Variants in ADAM12 observed in about 807,000 individuals in gnomAD.
ADAM12 encodes the protein ADAM metallopeptidase domain 12, also known as disintegrin and metalloproteinase domain-containing protein 12.
In ADAM12, 70 loss-of-function variants were observed where a neutral mutation model predicts 106.4. The ratio of observed to expected loss-of-function variants is 0.66; its 90% CI spans 0.54 to 0.80. The LOEUF (loss-of-function observed/expected upper bound fraction) is 0.80, where lower values mean the gene tolerates loss of function less well. Ranked by LOEUF, ADAM12 falls within the 30% of genes least tolerant of loss-of-function variation. The pLI is 0.00. For synonymous variants in ADAM12, 420 were observed against 433.5 expected, an observed-to-expected ratio of 0.97 and a Z score of 0.39; for missense variants, 1,010 against 1,171.9, an observed-to-expected ratio of 0.86 and a Z score of 2.02.
chr10:126,259,706 CAT>C (rs1417584644), intron 3 of ADAM12, among the ~76,000 whole-genome samples: 1 of 152,232 alleles, frequency 6.6e-6, no homozygotes, highest in Non-Finnish European at 1.5e-5. Flanking sequence ...CTTCTCCACA[CAT>C]GAGGGAATAA....
At position 126,049,983 on chromosome 10, in the gene ADAM12, AG is replaced by A. The variant is rs1365966317; in HGVS notation, c.1610-315del. Among the ~76,000 whole-genome samples, 1 of 144,210 alleles carries A rather than the reference AG, an allele frequency of 6.9e-6. No homozygotes were observed. Among genetic ancestry groups the A allele is most frequent in the Non-Finnish European group, 1.6e-5 (1 of 63,810 alleles). The allele number at this position is 144,210 out of a possible 152,430, so 94.6% of individuals were successfully genotyped here. On this transcript the variant is annotated intron_variant, in intron 14 of 22. Coordinates refer to ENST00000448723, the MANE Select transcript of ADAM12 (RefSeq NM_001288973.2). The surrounding 1 kb of genome is among the most constrained non-coding windows in gnomAD (Gnocchi z 4.4). Reference sequence around the variant, plus strand: ...GAATGAGATCTGATCCAGGGCAGAAAGGAGGTGGCTGGCTGGCTGGCTGGCT... The same window carrying A: ...GAATGAGATCTGATCCAGGGCAGAAAGAGGTGGCTGGCTGGCTGGCTGGCT...
chr10:126,236,573 G>A (rs1369283426), intron 3 of ADAM12, among the ~76,000 whole-genome samples: 2 of 152,134 alleles, frequency 1.3e-5, no homozygotes, highest in African/African-American at 2.4e-5. Flanking sequence ...TGCGGGGGGA[G>A]CTGAATGAGC....
At chr10:126,178,798 G>A (rs1293753701) in intron 3 of ADAM12, among the ~76,000 whole-genome samples, 1 of 152,120 alleles carries the variant, frequency 6.6e-6, no homozygotes, top group Non-Finnish European at 1.5e-5. Context: ...TGTAATCCCA[G>A]CACTTTAGGA....
At position 126,066,985 on chromosome 10, in the gene ADAM12, C is replaced by A. The variant is rs1422643236; in HGVS notation, c.1324-179G>T. 2 of 598,504 alleles carry A rather than the reference C, an allele frequency of 3.3e-6. No individual in the cohort carries two copies. Among genetic ancestry groups the A allele is most frequent in the Non-Finnish European group, 6.0e-6 (2 of 333,766 alleles). 37.1% of individuals were successfully genotyped at this position (598,504 alleles called of 1,614,324 possible). ...AGCAAAGCTTCTGCTTTTTATGAACCAACTGGGTCTACGAGTCCCTGGAAA... is the reference window on the plus strand; with the variant it reads ...AGCAAAGCTTCTGCTTTTTATGAACAAACTGGGTCTACGAGTCCCTGGAAA... On this transcript the variant is annotated intron_variant, in intron 12 of 22. Coordinates refer to ENST00000448723, the MANE Select transcript of ADAM12 (RefSeq NM_001288973.2). This position sits in a 1 kb window ranked among gnomAD's most constrained non-coding sequence, Gnocchi z 5.1.
intron 5 of ADAM12, among the ~76,000 whole-genome samples, chr10:126,131,104 CTTTTTTTTT>C (rs71029289): frequency 1.8e-4 from 18 of 100,918 alleles, no homozygotes; most frequent in Admixed American, 3.2e-4. Context: ...CAGCTGTCTT[CTTTTTTTTT>C]TTTTTTTTTT....
At chr10:126,211,713 G>A (rs1054429633) in intron 3 of ADAM12, among the ~76,000 whole-genome samples, 3 of 152,120 alleles carry the variant, frequency 2.0e-5, no homozygotes, top group African/African-American at 7.2e-5. Context: ...TCTGCCTCCT[G>A]GACCATGTGA....
chr10:126,259,397 T>C (rs1009540140), intron 3 of ADAM12, among the ~76,000 whole-genome samples: 1 of 152,248 alleles, frequency 6.6e-6, no homozygotes, highest in African/African-American at 2.4e-5. Flanking sequence ...ATATGAGCTA[T>C]AGCCCTTGTG....
chr10:126,373,344 G>A (rs1382721337), intron 1 of ADAM12, among the ~76,000 whole-genome samples: 2 of 152,172 alleles, frequency 1.3e-5, no homozygotes, highest in African/African-American at 4.8e-5. Flanking sequence ...GGGAACAGCT[G>A]ATGGCTTCAC....
chr10:126,143,750 GGTGT>G (rs765920575), intron 4 of ADAM12, among the ~76,000 whole-genome samples: 25 of 151,856 alleles, frequency 1.6e-4, no homozygotes, highest in Non-Finnish European at 2.2e-4. Flanking sequence ...TGTGTATATG[GGTGT>G]GTATGTGTCT....
chr10:126,237,054 G>A (rs571862670), intron 3 of ADAM12, among the ~76,000 whole-genome samples: 15 of 152,106 alleles, frequency 9.9e-5, no homozygotes, highest in African/African-American at 2.9e-4. Context: ...GGCCAGCCTC[G>A]CCCACAACCC....
intron 18 of ADAM12, among the ~76,000 whole-genome samples, chr10:126,040,314 T>C (rs1389316123): frequency 6.6e-6 from 1 of 152,182 alleles, no homozygotes; most frequent in Admixed American, 6.5e-5. Flanking sequence ...TCAGCAAGGA[T>C]CAGGGTGTAC....
At chr10:126,115,110 T>G (rs1172932294) in intron 6 of ADAM12, among the ~76,000 whole-genome samples, 1 of 152,206 alleles carries the variant, frequency 6.6e-6, no homozygotes, top group South Asian at 2.1e-4. Context: ...CTGTCCTATA[T>G]GTACACAGTA....
At chr10:126,346,415 A>C (rs183062777) in intron 1 of ADAM12, among the ~76,000 whole-genome samples, 11 of 152,138 alleles carry the variant, frequency 7.2e-5, no homozygotes, top group Non-Finnish European at 1.3e-4. Flanking sequence ...GTTCTTTTAC[A>C]TTTGCTGAGG....
chr10:126,365,062 G>C (rs1855863954), intron 1 of ADAM12, among the ~76,000 whole-genome samples: 2 of 152,090 alleles, frequency 1.3e-5, no homozygotes, highest in African/African-American at 4.8e-5. Context: ...ATATGTTAAG[G>C]GATATGACCC....
intron 1 of ADAM12, among the ~76,000 whole-genome samples, chr10:126,369,680 T>G (rs1361910465): frequency 2.0e-5 from 3 of 152,156 alleles, no homozygotes; most frequent in Admixed American, 2.0e-4. Flanking sequence ...GACTTGTACA[T>G]AGTGAGTGGA....
chr10:126,057,974 A>C (rs1954669121), intron 14 of ADAM12, among the ~76,000 whole-genome samples: 1 of 152,234 alleles, frequency 6.6e-6, no homozygotes, highest in African/African-American at 2.4e-5. Flanking sequence ...AGAGAGGTCC[A>C]TCCCACAGGT....
At position 126,195,589 on chromosome 10, in the gene ADAM12, A is replaced by G. The variant is rs370450868; in HGVS notation, c.261-40284T>C. 3.3e-4 allele frequency among the ~76,000 whole-genome samples: 50 copies of G among 152,330 alleles called. 1 individual carries two copies. The highest frequency in any genetic ancestry group is 1.2e-3 in the African/African-American group (48 of 41,572). ...AACTCCATCCCCCACCCAAAAAACA[A>G]GAACAAAAACAAAAACCAACATACG... is the stretch of plus-strand genomic sequence containing the variant. On this transcript the variant is annotated intron_variant, in intron 3 of 22. Coordinates refer to ENST00000448723, the MANE Select transcript of ADAM12 (RefSeq NM_001288973.2).
At chr10:126,333,293 A>C (rs1332395662) in intron 1 of ADAM12, among the ~76,000 whole-genome samples, 1 of 152,224 alleles carries the variant, frequency 6.6e-6, no homozygotes, top group African/African-American at 2.4e-5. Context: ...AAGAGTTCCA[A>C]AACTAGAATC....
chr10:126,371,294 T>C (rs976244128), intron 1 of ADAM12, among the ~76,000 whole-genome samples: 1 of 152,314 alleles, frequency 6.6e-6, no homozygotes, highest in East Asian at 1.9e-4. Flanking sequence ...CAATTACCAC[T>C]CAGAAATGTG....
Sources: allele counts gnomAD v4.1 joint callset (sites outside exome capture counted in the v4.1 genomes callset), GRCh38; gene constraint gnomAD v4.1.1; non-coding constraint Gnocchi (gnomAD v3.1); transcripts MANE v1.5; gene names NCBI Gene and HGNC (gene_info 2026-07-23, HGNC 2026-07-21).